RSRC2: variants seen among roughly 807,000 people sequenced by gnomAD.
RSRC2 encodes the protein arginine/serine-rich coiled-coil protein 2.
Under a neutral mutation model 61.3 loss-of-function variants are expected in RSRC2, and 5 were observed. That is an observed-to-expected ratio of 0.08 (90% CI 0.04 to 0.17). The LOEUF (loss-of-function observed/expected upper bound fraction) is 0.17. Among genes scored for constraint, RSRC2 ranks in the 10% least tolerant of loss-of-function variants. RSRC2 has a pLI of 1.00. For synonymous variants in RSRC2, 202 were observed against 166.5 expected (o/e 1.21, Z -1.64); for missense variants, 381 against 518.8 (o/e 0.73, Z 2.58).
chr12:122,521,527 C>A, intron 2 of RSRC2, 99 bp from the exon 3 acceptor site: 2 of 990,150 alleles, frequency 2.0e-6, no homozygotes, highest in South Asian at 1.3e-5. Flanking sequence ...TCCCATTAGT[C>A]TTCTTCCAAT....
chr12:122,513,735 CT>C lies in RSRC2; in HGVS notation c.725+1369del. ...GAAGATTTGGAATTAATACCATTCA[CT>C]AAGGTGAATGGAAAGAAGGGGTGAG... is the stretch of plus-strand genomic sequence containing the variant. On this transcript the variant is annotated intron_variant, in intron 6 of 9. Transcript: ENST00000331738. The C allele has an allele frequency of 5.2e-6, 5 of 969,588 alleles. No homozygotes were observed. In the East Asian group the frequency reaches 5.7e-4, roughly 111 times the overall value. The allele number at this position is 969,588 out of a possible 1,614,324, so 60.1% of individuals were successfully genotyped here.
At chr12:122,512,390 A>C (rs1392421436) in intron 6 of RSRC2, among the ~76,000 whole-genome samples, 3 of 152,146 alleles carry the variant, frequency 2.0e-5, no homozygotes, top group Non-Finnish European at 4.4e-5. Context: ...TTGGGGCACT[A>C]TGGGTAATAC....
intron 7 of RSRC2, 119 bp downstream of exon 7, chr12:122,510,990 C>T (rs1958465664): frequency 2.9e-6 from 2 of 680,446 alleles, no homozygotes; most frequent in South Asian, 2.0e-5. Context: ...TTGAGGCTAC[C>T]ATGCGCTATG....
chr12:122,525,648 T>C (rs953334491), intron 1 of RSRC2, among the ~76,000 whole-genome samples: 1 of 152,156 alleles, frequency 6.6e-6, no homozygotes. Context: ...TAAAAAGGAA[T>C]GCAAAATCTT....
At chr12:122,510,540 G>C (rs1314154252) in intron 7 of RSRC2, among the ~76,000 whole-genome samples, 1 of 150,984 alleles carries the variant, frequency 6.6e-6, no homozygotes, top group African/African-American at 2.5e-5. Flanking sequence ...ACAACAACAA[G>C]ATCTGTCATG....
intron 8 of RSRC2, 30 bp from the exon 9 acceptor site, chr12:122,506,953 G>T: frequency 5.7e-6 from 7 of 1,221,116 alleles, no homozygotes; most frequent in Non-Finnish European, 7.2e-6. Flanking sequence ...TTTAAAATAT[G>T]TAAAATTTAA....
intron 4 of RSRC2, 108 bp from the exon 5 acceptor site, chr12:122,517,538 C>T: frequency 2.4e-6 from 3 of 1,271,950 alleles, no homozygotes; most frequent in East Asian, 2.5e-5. Context: ...AAGCAAGTAA[C>T]TGCACTATAT....
rs760003716 is a variant in RSRC2, at chr12:122,522,288, T to C, written c.18A>G (p.Thr6=). MAASD[T]ERDGLAPEKT... ...TTTCTGGGGCTAGTCCATCTCGCTC[T>C]GTATCACTAGCCTAAAAGTTTAAAA... The change falls in exon 2 of 10, where the codon ACA becomes ACG. Residue 6 remains threonine (T), a synonymous_variant. Transcript: ENST00000331738. 6.3e-7 allele frequency: 1 copy of C among 1,594,306 alleles called. No homozygotes were observed. The highest frequency in any genetic ancestry group is 1.4e-5 in the African/African-American group (1 of 73,580).
intron 7 of RSRC2, among the ~76,000 whole-genome samples, chr12:122,510,632 C>G (rs2137443325): frequency 6.6e-6 from 1 of 152,312 alleles, no homozygotes; most frequent in East Asian, 1.9e-4. Context: ...CAGAAACAAG[C>G]TACAAAACAC....
chr12:122,523,221 A>G (rs566975092), intron 1 of RSRC2: 1 of 152,406 alleles, frequency 6.6e-6, no homozygotes, highest in South Asian at 2.1e-4. Flanking sequence ...TGTTAAAACT[A>G]AAGGCACTTA....
intron 4 of RSRC2, among the ~76,000 whole-genome samples, chr12:122,518,208 A>G (rs1959076440): frequency 6.6e-6 from 1 of 152,122 alleles, no homozygotes; most frequent in Non-Finnish European, 1.5e-5. Flanking sequence ...GCTTGAGGTC[A>G]GATCACTTGA....
intron 8 of RSRC2, 163 bp downstream of exon 8, chr12:122,508,055 G>T: frequency 1.4e-6 from 1 of 694,492 alleles, no homozygotes. Flanking sequence ...CCGCTCACTT[G>T]GCATCCCAAA....
At chr12:122,513,249 T>C (rs1029998994) in intron 6 of RSRC2, among the ~76,000 whole-genome samples, 1 of 130,622 alleles carries the variant, frequency 7.7e-6, no homozygotes, top group Admixed American at 7.8e-5. Context: ...ATAAATAAAA[T>C]AAAATAAAAA....
In RSRC2 at chr12:122,518,960, G is replaced by C; in HGVS notation, c.277C>G (p.His93Asp). The C allele has an allele frequency of 6.2e-7, 1 of 1,613,592 alleles. No individual in the cohort carries two copies. Among genetic ancestry groups the C allele is most frequent in the South Asian group, 1.1e-5 (1 of 91,088 alleles). Residue 93 changes from histidine (H) to aspartate (D), a missense_variant, in exon 4 of 10, where the codon CAT (histidine) becomes GAT (aspartate). By Grantham distance (81) the His-to-Asp change is moderately conservative. This residue lies in a region of RSRC2 where 266 missense variants were observed against 270.5 expected (regional missense o/e 0.98). Transcript: ENST00000331738. ...HKSEEHNDKE[H>D]SSDKGRERLN... Reference sequence around the variant, plus strand: ...CGCTCTCTTCCTTTATCAGAAGAATGTTCTTTGTCATTATGTTCCTCAGAC... The same window carrying C: ...CGCTCTCTTCCTTTATCAGAAGAATCTTCTTTGTCATTATGTTCCTCAGAC...
rs889954685 is a variant in RSRC2, at chr12:122,522,395, C to T, written c.7-96G>A. On this transcript the variant is annotated intron_variant, in intron 1 of 9. Transcript: ENST00000331738. ...GACAAAGGGAGGGAAGATAGCCCCC[C>T]ACAATCAATAAATCAGAATGCCTGC... 6.1e-6 allele frequency: 7 copies of T among 1,154,826 alleles called. No individual in the cohort carries two copies. The African/African-American group carries it at 7.8e-5, about 13-fold the overall frequency. The allele number at this position is 1,154,826 out of a possible 1,614,324, so 71.5% of individuals were successfully genotyped here.
rs1169277220 is a variant in RSRC2, at chr12:122,505,187, C to T, written c.*340G>A. The T allele has an allele frequency of 5.2e-6, 1 of 190,742 alleles. No homozygotes were observed. The highest frequency in any genetic ancestry group is 1.3e-4 in the East Asian group (1 of 7,728). 11.8% of individuals were successfully genotyped at this position (190,742 alleles called of 1,614,324 possible). A position where few individuals can be genotyped will look rare whatever the true frequency, so the allele number is the denominator to read the frequency against. On this transcript the variant is annotated 3_prime_UTR_variant, in exon 10 of 10. Transcript: ENST00000331738. The stretch of plus-strand genomic sequence containing the variant: ...GTTTCAAGAGATGAAAATAACTGTA[C>T]AAGGTTAAGTACAAAAGTACACAAG...
intron 9 of RSRC2, 199 bp downstream of exon 9, chr12:122,506,633 AGT>A (rs991526227): frequency 3.5e-5 from 18 of 510,124 alleles, no homozygotes; most frequent in Non-Finnish European, 5.2e-5. Context: ...TCTCTCTCCA[AGT>A]GTGTGTGTAG....
chr12:122,518,131 T>C (rs1959068931), intron 4 of RSRC2, among the ~76,000 whole-genome samples: 1 of 151,972 alleles, frequency 6.6e-6, no homozygotes, highest in Admixed American at 6.6e-5. Flanking sequence ...AACCCGTCTC[T>C]ACAAAAAAAT....
At chr12:122,509,393 T>C (rs894324255) in intron 7 of RSRC2, among the ~76,000 whole-genome samples, 1 of 151,398 alleles carries the variant, frequency 6.6e-6, no homozygotes, top group East Asian at 1.9e-4. Flanking sequence ...GAGGTTGTTG[T>C]GAGTCAGGAT....
Sources: allele counts gnomAD v4.1 joint callset (sites outside exome capture counted in the v4.1 genomes callset), GRCh38; gene constraint gnomAD v4.1.1; regional missense constraint gnomAD v4.1.1; transcripts MANE v1.5; gene names NCBI Gene and HGNC (gene_info 2026-07-23, HGNC 2026-07-21).